Variants in ARHGAP15 observed in about 807,000 individuals in gnomAD.
ARHGAP15 encodes the protein Rho GTPase activating protein 15, also known as rho GTPase-activating protein 15.
In ARHGAP15, 51 loss-of-function variants were observed where a neutral mutation model predicts 63.7. The ratio of observed to expected loss-of-function variants is 0.80; its 90% CI spans 0.64 to 1.01. ARHGAP15 has a LOEUF of 1.01. ARHGAP15 is among the 50% of genes least tolerant of loss of function. The probability of loss-of-function intolerance (pLI) is 0.00; values close to 1 mark genes in which losing one functional copy is unlikely to be tolerated. For missense variants in ARHGAP15, 560 were observed against 564.6 expected (o/e 0.99, Z 0.08); for synonymous variants, 191 against 193.8 (o/e 0.99, Z 0.12).
intron 6 of ARHGAP15, among the ~76,000 whole-genome samples, chr2:143,417,168 G>A (rs1180121688): frequency 6.6e-6 from 1 of 151,714 alleles, no homozygotes; most frequent in Non-Finnish European, 1.5e-5. Context: ...CTTAAGTCAG[G>A]TCTCTTTATC....
chr2:143,514,368 A>G (rs1375736479), intron 9 of ARHGAP15, among the ~76,000 whole-genome samples: 1 of 152,220 alleles, frequency 6.6e-6, no homozygotes. Flanking sequence ...AAAATTTGGT[A>G]AGGCATAAAT....
chr2:143,287,368 G>A (rs1682157948), intron 6 of ARHGAP15, among the ~76,000 whole-genome samples: 1 of 151,876 alleles, frequency 6.6e-6, no homozygotes, highest in Non-Finnish European at 1.5e-5. Flanking sequence ...CTTCTGCTCG[G>A]TTTCACTGTA....
chr2:143,192,045 G>A (rs1203232850), intron 2 of ARHGAP15, among the ~76,000 whole-genome samples: 1 of 152,196 alleles, frequency 6.6e-6, no homozygotes, highest in East Asian at 1.9e-4. Context: ...AAAGAAGTCT[G>A]TTCTGATTAC....
intron 1 of ARHGAP15, among the ~76,000 whole-genome samples, chr2:143,149,714 A>C (rs74952437): frequency 0.019 from 2,918 of 152,136 alleles, 86 homozygotes; most frequent in African/African-American, 0.065. Flanking sequence ...TTACTCTAAG[A>C]AATATTAGCA....
intron 10 of ARHGAP15, among the ~76,000 whole-genome samples, chr2:143,542,091 C>A (rs1211053581): frequency 6.6e-5 from 10 of 152,214 alleles, no homozygotes; most frequent in Non-Finnish European, 4.4e-5. Flanking sequence ...CACCCCTCCC[C>A]CAGCCTCGCT....
intron 4 of ARHGAP15, among the ~76,000 whole-genome samples, chr2:143,225,304 T>C (rs1693163416): frequency 6.6e-6 from 1 of 151,872 alleles, no homozygotes; most frequent in African/African-American, 2.4e-5. Flanking sequence ...AAAATTTGGA[T>C]TTAAAAAAAA....
chr2:143,669,757 C>A (rs1484856431), intron 12 of ARHGAP15, among the ~76,000 whole-genome samples: 1 of 152,106 alleles, frequency 6.6e-6, no homozygotes, highest in Non-Finnish European at 1.5e-5. Context: ...TATAATCCAG[C>A]AAAACACTTG....
chr2:143,621,031 T>TA (rs1698627890), intron 11 of ARHGAP15, among the ~76,000 whole-genome samples: 1 of 152,184 alleles, frequency 6.6e-6, no homozygotes, highest in Non-Finnish European at 1.5e-5. Context: ...TACAGACACT[T>TA]ATGGACTTCA....
At chr2:143,402,093 G>A (rs1246013157) in intron 6 of ARHGAP15, among the ~76,000 whole-genome samples, 1 of 151,798 alleles carries the variant, frequency 6.6e-6, no homozygotes, top group Non-Finnish European at 1.5e-5. Flanking sequence ...AAGTGCCATG[G>A]CATTAACAAT....
chr2:143,212,088 T>C (rs1194639875), intron 3 of ARHGAP15, among the ~76,000 whole-genome samples: 1 of 152,074 alleles, frequency 6.6e-6, no homozygotes, highest in Non-Finnish European at 1.5e-5. Context: ...ATGGTGTAGA[T>C]GAAAATCTAT....
chr2:143,376,914 G>C (rs1307401635), intron 6 of ARHGAP15, among the ~76,000 whole-genome samples: 1 of 151,954 alleles, frequency 6.6e-6, no homozygotes, highest in Admixed American at 6.6e-5. Context: ...CATATACTGT[G>C]TTTTGTATTA....
intron 13 of ARHGAP15, among the ~76,000 whole-genome samples, chr2:143,720,348 G>T (rs1171807950): frequency 3.3e-5 from 5 of 152,098 alleles, no homozygotes; most frequent in Non-Finnish European, 5.9e-5. Flanking sequence ...CCAGGACGCC[G>T]AGGTTAACAA....
intron 11 of ARHGAP15, among the ~76,000 whole-genome samples, chr2:143,590,793 C>T (rs767889698): frequency 8.6e-5 from 13 of 152,006 alleles, no homozygotes; most frequent in Non-Finnish European, 1.9e-4. Context: ...GATGTTGTTC[C>T]AGTGGATATT....
intron 13 of ARHGAP15, among the ~76,000 whole-genome samples, chr2:143,729,090 G>C (rs915853901): frequency 6.6e-6 from 1 of 152,148 alleles, no homozygotes; most frequent in African/African-American, 2.4e-5. Context: ...GAAAAAAAGT[G>C]AAAAGGCAAT....
At chr2:143,187,797 G>C (rs1171206858) in intron 2 of ARHGAP15, among the ~76,000 whole-genome samples, 1 of 152,192 alleles carries the variant, frequency 6.6e-6, no homozygotes, top group Non-Finnish European at 1.5e-5. Context: ...ATGGGTGAGA[G>C]CTCTCATTTA....
At chr2:143,614,573 C>T (rs1179900138) in intron 11 of ARHGAP15, among the ~76,000 whole-genome samples, 2 of 152,042 alleles carry the variant, frequency 1.3e-5, no homozygotes, top group East Asian at 3.9e-4. Flanking sequence ...TATGAAATAG[C>T]CTCTGTTATC....
Position 143,679,645 on chromosome 2 carries a change from G to A in ARHGAP15, c.1139-23774G>A, listed in dbSNP as rs1320155706. ...TTGTTTATTTCTTGAATGAGGGGGT[G>A]CGTGTGTGCGTGTGTGTGTGTGTGT... On this transcript the variant is annotated intron_variant, in intron 12 of 13. Transcript: ENST00000295095. Among the ~76,000 whole-genome samples the A allele has an allele frequency of 2.2e-4, 6 of 27,768 alleles. No homozygotes were observed. In the Non-Finnish European group the frequency reaches 5.9e-3, roughly 27 times the overall value. 18.2% of individuals were successfully genotyped at this position (27,768 alleles called of 152,430 possible).
At chr2:143,473,146 T>C (rs372060083) in intron 8 of ARHGAP15, among the ~76,000 whole-genome samples, 3 of 152,136 alleles carry the variant, frequency 2.0e-5, no homozygotes, top group Admixed American at 2.0e-4. Flanking sequence ...AGAAAAGAAA[T>C]ATTTTTGCCA....
At chr2:143,566,085 G>C (rs4334442) in intron 11 of ARHGAP15, among the ~76,000 whole-genome samples, 29,266 of 139,558 alleles carry the variant, frequency 0.21, 3,370 homozygotes, top group East Asian at 0.47. Context: ...CAGTTGCAGA[G>C]ATGGGAAGAA....
Sources: gnomAD v4.1 joint callset for allele counts (sites outside exome capture counted in the v4.1 genomes callset) on GRCh38, gnomAD v4.1.1 for gene constraint, MANE v1.5 for transcripts, NCBI Gene and HGNC (gene_info 2026-07-23, HGNC 2026-07-21) for gene names.